The following GPC6 variants were observed in gnomAD, a reference collection of about 807,000 sequenced individuals.
The protein encoded by GPC6 is glypican 6.
In GPC6, 14 loss-of-function variants were observed where a neutral mutation model predicts 55.2. The observed-to-expected ratio is 0.25, with a 90% confidence interval of 0.17 to 0.40. The LOEUF is 0.40. GPC6 is among the 10% of genes least tolerant of loss of function. GPC6 has a pLI of 1.00. For synonymous variants in GPC6, 278 were observed against 259.6 expected, an observed-to-expected ratio of 1.07 and a Z score of -0.68; for missense variants, 641 against 708.5, an observed-to-expected ratio of 0.90 and a Z score of 1.08.
intron 2 of GPC6, among the ~76,000 whole-genome samples, chr13:93,812,121 C>A (rs1337285148): frequency 9.2e-6 from 1 of 108,696 alleles, no homozygotes; most frequent in Non-Finnish European, 1.7e-5. Flanking sequence ...GTAATCCCAG[C>A]ACTTTGGGAG....
chr13:93,863,870 T>C (rs906804212), intron 3 of GPC6, among the ~76,000 whole-genome samples: 5 of 151,740 alleles, frequency 3.3e-5, no homozygotes, highest in African/African-American at 7.2e-5. Context: ...GATACAGCAG[T>C]CTGCTGGATT....
chr13:93,413,007 T>C (rs189611124), intron 1 of GPC6, among the ~76,000 whole-genome samples: 3 of 152,306 alleles, frequency 2.0e-5, no homozygotes, highest in Admixed American at 1.3e-4. Context: ...TTAATTTCTA[T>C]CTTCATACAA....
chr13:94,123,291 A>G (rs1035290762), intron 4 of GPC6, among the ~76,000 whole-genome samples: 3 of 152,214 alleles, frequency 2.0e-5, no homozygotes, highest in African/African-American at 7.2e-5. Flanking sequence ...GTAGAGCCAT[A>G]TTAAATGTCA....
intron 4 of GPC6, among the ~76,000 whole-genome samples, chr13:94,149,868 T>A (rs1385480187): frequency 1.3e-5 from 2 of 152,016 alleles, no homozygotes; most frequent in Non-Finnish European, 2.9e-5. Flanking sequence ...CTGTTTGACT[T>A]TTTTGAGGGT....
intron 3 of GPC6, among the ~76,000 whole-genome samples, chr13:93,909,091 T>C (rs1434463371): frequency 6.6e-6 from 1 of 152,214 alleles, no homozygotes; most frequent in Non-Finnish European, 1.5e-5. Flanking sequence ...CCTGAGTGTC[T>C]TCTTTACCTA....
intron 8 of GPC6, among the ~76,000 whole-genome samples, chr13:94,402,475 A>G (rs1881182725): frequency 6.6e-6 from 1 of 152,150 alleles, no homozygotes; most frequent in South Asian, 2.1e-4. Context: ...CCACCCACTC[A>G]TCACACCACT....
Position 94,394,053 on chromosome 13 carries a change from C to A in GPC6, c.1290-4413C>A, listed in dbSNP as rs1291382893. 2.6e-5 allele frequency among the ~76,000 whole-genome samples: 4 copies of A among 152,244 alleles called. No homozygotes were observed. In the South Asian group the frequency reaches 8.3e-4, roughly 32 times the overall value. On this transcript the variant is annotated intron_variant, in intron 7 of 8. Coordinates refer to ENST00000377047, the MANE Select transcript of GPC6 (RefSeq NM_005708.5). Reference sequence around the variant, plus strand: ...ACCCACAGGGCTGGATGTATCAGCCCTCTCACCCCCAAATTTCCATAGGAC... The same window carrying A: ...ACCCACAGGGCTGGATGTATCAGCCATCTCACCCCCAAATTTCCATAGGAC...
intron 3 of GPC6, among the ~76,000 whole-genome samples, chr13:93,996,508 A>T (rs944396404): frequency 2.0e-5 from 3 of 150,934 alleles, no homozygotes; most frequent in Non-Finnish European, 4.4e-5. Context: ...AGGTGCATGG[A>T]CCGGGGAGAA....
intron 2 of GPC6, among the ~76,000 whole-genome samples, chr13:93,723,914 G>C (rs1024352729): frequency 6.6e-6 from 1 of 151,818 alleles, no homozygotes; most frequent in African/African-American, 2.4e-5. Flanking sequence ...CCAGCAATTC[G>C]GATCAACCTT....
intron 4 of GPC6, among the ~76,000 whole-genome samples, chr13:94,082,311 C>T (rs1885129870): frequency 1.3e-5 from 2 of 152,174 alleles, no homozygotes; most frequent in African/African-American, 2.4e-5. Flanking sequence ...TGGGTTCCTT[C>T]CACCACCTCT....
chr13:93,965,105 T>A (rs1169499299), intron 3 of GPC6, among the ~76,000 whole-genome samples: 3 of 107,396 alleles, frequency 2.8e-5, no homozygotes, highest in African/African-American at 1.2e-4. Context: ...ACTATGAGTT[T>A]GTTTTTTTTT....
chr13:94,038,982 T>C (rs1391546076), intron 4 of GPC6, among the ~76,000 whole-genome samples: 1 of 151,940 alleles, frequency 6.6e-6, no homozygotes, highest in Non-Finnish European at 1.5e-5. Context: ...GGATTTGCCT[T>C]AGTTCCTGAG....
chr13:93,587,924 A>G (rs1051247925), intron 2 of GPC6, among the ~76,000 whole-genome samples: 1 of 152,180 alleles, frequency 6.6e-6, no homozygotes, highest in Non-Finnish European at 1.5e-5. Flanking sequence ...TTCTCCCAGG[A>G]GCTCTCTCCA....
chr13:93,499,485 T>A (rs1044356889), intron 1 of GPC6, among the ~76,000 whole-genome samples: 3 of 152,214 alleles, frequency 2.0e-5, no homozygotes, highest in African/African-American at 7.2e-5. Context: ...CATCCTCATC[T>A]CTAAGCGTGT....
At chr13:94,059,507 T>C (rs1884250047) in intron 4 of GPC6, among the ~76,000 whole-genome samples, 1 of 152,074 alleles carries the variant, frequency 6.6e-6, no homozygotes, top group South Asian at 2.1e-4. Flanking sequence ...GGTTCAAGGA[T>C]TGGAATGGGT....
Position 93,454,728 on chromosome 13 carries a change from G to A in GPC6, c.161-90535G>A, listed in dbSNP as rs918794706. Among the ~76,000 whole-genome samples, 80 of 152,232 alleles carry A rather than the reference G, an allele frequency of 5.3e-4. 1 individual carries two copies. Among genetic ancestry groups the A allele is most frequent in the African/African-American group, 1.5e-3 (64 of 41,468 alleles). Reference sequence around the variant, plus strand: ...TCAGGAGCCCAGCTGGCTTCACCCAGTGGATCCCGCACCCGGGCTGCAGGT... The same window carrying A: ...TCAGGAGCCCAGCTGGCTTCACCCAATGGATCCCGCACCCGGGCTGCAGGT... On this transcript the variant is annotated intron_variant, in intron 1 of 8. Transcript: ENST00000377047.
At chr13:94,336,605 A>C (rs1426774929) in intron 6 of GPC6, among the ~76,000 whole-genome samples, 1 of 152,118 alleles carries the variant, frequency 6.6e-6, no homozygotes, top group Non-Finnish European at 1.5e-5. Flanking sequence ...AACCTTTCTG[A>C]ATTATGAACG....
At chr13:93,587,872 A>G (rs936376179) in intron 2 of GPC6, among the ~76,000 whole-genome samples, 3 of 152,210 alleles carry the variant, frequency 2.0e-5, no homozygotes, top group Non-Finnish European at 4.4e-5. Flanking sequence ...GAAATTTAAA[A>G]TTGGTGCAAG....
intron 1 of GPC6, among the ~76,000 whole-genome samples, chr13:93,302,848 A>G (rs1425570824): frequency 6.6e-6 from 1 of 152,204 alleles, no homozygotes; most frequent in Non-Finnish European, 1.5e-5. Flanking sequence ...TGATTCACTT[A>G]AAGAAAAATC....
Sources: gnomAD v4.1 joint callset for allele counts (sites outside exome capture counted in the v4.1 genomes callset) on GRCh38, gnomAD v4.1.1 for gene constraint, MANE v1.5 for transcripts, NCBI Gene and HGNC (gene_info 2026-07-23, HGNC 2026-07-21) for gene names.